RPS29: variants seen among roughly 807,000 people sequenced by gnomAD.
RPS29 encodes ribosomal protein S29.
For synonymous variants in RPS29, 37 were observed against 26.9 expected (o/e 1.37, Z -1.16); for missense variants, 60 against 75.7 (o/e 0.79, Z 0.77).
chr14:49,573,502 T>A (rs1881107696), exon 3 of RPS29: 3 of 148,576 alleles, frequency 2.0e-5, no homozygotes, highest in South Asian at 2.1e-4. Flanking sequence ...AGGTGACTTC[T>A]CCCCAAGAGT....
At chr14:49,586,416 GAC>G, upstream of RPS29, 1 of 1,392,866 alleles carries the variant, frequency 7.2e-7, no homozygotes, top group Non-Finnish European at 1.0e-6. Context: ...AAATTTTTGA[GAC>G]AGTTTACCCA....
chr14:49,587,508 C>T (rs1281979629), upstream of RPS29, among the ~76,000 whole-genome samples: 1 of 152,178 alleles, frequency 6.6e-6, no homozygotes, highest in Non-Finnish European at 1.5e-5. Flanking sequence ...TACAACACTT[C>T]TTTAAGGTAT....
upstream of RPS29, among the ~76,000 whole-genome samples, chr14:49,588,408 T>C (rs1186844793): frequency 2.0e-5 from 3 of 152,258 alleles, no homozygotes; most frequent in African/African-American, 7.2e-5. Flanking sequence ...TTTAAGATAA[T>C]GTGACACCAT....
At chr14:49,578,630 G>A (rs186991560), downstream of RPS29, among the ~76,000 whole-genome samples, 371 of 125,850 alleles carry the variant, frequency 2.9e-3, 2 homozygotes, top group Middle Eastern at 7.0e-3. Flanking sequence ...GCATGATCTC[G>A]ATTCACTGCA....
At chr14:49,586,954 T>C (rs1254502380), upstream of RPS29, 2 of 152,942 alleles carry the variant, frequency 1.3e-5, no homozygotes, top group East Asian at 3.9e-4. Flanking sequence ...GATTAAACCT[T>C]TTACTTTCTT....
upstream of RPS29, among the ~76,000 whole-genome samples, chr14:49,588,923 G>T (rs1313422020): frequency 8.3e-6 from 1 of 120,836 alleles, no homozygotes; most frequent in African/African-American, 3.2e-5. Context: ...CTGGAGTCTC[G>T]CTCTGTGACC....
chr14:49,586,610 C>T (rs1030511098), upstream of RPS29: 15 of 498,882 alleles, frequency 3.0e-5, no homozygotes, highest in Middle Eastern at 5.0e-4. Flanking sequence ...CCTGTAGTCC[C>T]AGCTACTCGG....
upstream of RPS29, among the ~76,000 whole-genome samples, chr14:49,587,956 C>T (rs1881626400): frequency 6.6e-6 from 1 of 152,168 alleles, no homozygotes; most frequent in Non-Finnish European, 1.5e-5. Context: ...GACAAAAGGC[C>T]TAGTGATAGG....
At chr14:49,580,800 G>A (rs1231963031), downstream of RPS29, among the ~76,000 whole-genome samples, 3 of 151,846 alleles carry the variant, frequency 2.0e-5, no homozygotes, top group Non-Finnish European at 4.4e-5. Flanking sequence ...CAGGAGAATC[G>A]CCTGAACCCG....
exon 3 of RPS29, chr14:49,577,764 T>C: frequency 6.8e-7 from 1 of 1,472,596 alleles, no homozygotes; most frequent in Non-Finnish European, 9.5e-7. Context: ...TTGATGATCT[T>C]GGGCTTCGCG....
chr14:49,581,714 G>A (rs142483534), downstream of RPS29, among the ~76,000 whole-genome samples: 113 of 152,086 alleles, frequency 7.4e-4, 3 homozygotes, highest in East Asian at 9.9e-3. Flanking sequence ...CTCCTGTATC[G>A]GTTCCTTCAA....
intron 2 of RPS29, among the ~76,000 whole-genome samples, chr14:49,578,125 T>TC (rs1432514650): frequency 6.6e-6 from 1 of 152,112 alleles, no homozygotes; most frequent in East Asian, 1.9e-4. Flanking sequence ...CTTTTTTTTT[T>TC]CAGAGATTAG....
At chr14:49,588,550 C>T (rs1371311251), upstream of RPS29, among the ~76,000 whole-genome samples, 2 of 151,160 alleles carry the variant, frequency 1.3e-5, no homozygotes, top group African/African-American at 4.9e-5. Context: ...TTTTTTGAGA[C>T]GGAGTCTCAC....
chr14:49,598,679 T>G (rs1001879240), exon 1 of RPS29: 13 of 700,210 alleles, frequency 1.9e-5, no homozygotes, highest in Admixed American at 4.0e-5. Flanking sequence ...ACCCTCGGAA[T>G]CCTCCCCGAA....
exon 3 of RPS29, chr14:49,575,610 A>G (rs771216581): frequency 1.3e-5 from 2 of 152,132 alleles, no homozygotes; most frequent in Non-Finnish European, 2.9e-5. Flanking sequence ...ACTTTGGGAG[A>G]CTAGGAAGGG....
intron 1 of RPS29, 116 bp downstream of exon 1, chr14:49,586,169 C>G (rs1566482441): frequency 3.6e-6 from 5 of 1,380,832 alleles, no homozygotes; most frequent in Non-Finnish European, 5.2e-6. Context: ...ATGGCGGCAC[C>G]AGCGACTCCC....
At chr14:49,598,338 C>A (rs899218999) in intron 1 of RPS29, 1 of 626,572 alleles carries the variant, frequency 1.6e-6, no homozygotes, top group East Asian at 2.7e-5. Context: ...AGGCCTTGTG[C>A]GGTCTGGACG....
chr14:49,597,149 G>A (rs1028563293), intron 1 of RPS29, among the ~76,000 whole-genome samples: 4 of 152,018 alleles, frequency 2.6e-5, no homozygotes, highest in Non-Finnish European at 5.9e-5. Flanking sequence ...CCCGACCTCA[G>A]GCGATTCTCC....
exon 3 of RPS29, chr14:49,574,052 AT>A (rs924849725): frequency 6.6e-6 from 1 of 152,218 alleles, no homozygotes; most frequent in African/African-American, 2.4e-5. Flanking sequence ...CGATCTTGTT[AT>A]TATTTAGGAA....
Sources: gnomAD v4.1 joint callset for allele counts (sites outside exome capture counted in the v4.1 genomes callset) on GRCh38, gnomAD v4.1.1 for gene constraint, MANE v1.5 for transcripts, NCBI Gene and HGNC (gene_info 2026-07-23, HGNC 2026-07-21) for gene names.